The following TMEM182 variants were observed in gnomAD, a reference collection of about 807,000 sequenced individuals.
TMEM182 encodes transmembrane protein 182.
Under a neutral mutation model 26.8 loss-of-function variants are expected in TMEM182, and 20 were observed. The ratio of observed to expected loss-of-function variants is 0.75; its 90% CI spans 0.53 to 1.09. The LOEUF is 1.09. TMEM182 is among the 50% of genes least tolerant of loss of function. TMEM182 has a pLI of 0.00. For synonymous variants in TMEM182, 109 were observed against 102.2 expected (o/e 1.07, Z -0.40); for missense variants, 277 against 275.5 (o/e 1.01, Z -0.04).
chr2:102,829,538 G>T, intron 3 of TMEM182, among the ~76,000 whole-genome samples: 1 of 152,162 alleles, frequency 6.6e-6, no homozygotes, highest in East Asian at 1.9e-4. Flanking sequence ...AACCCTGAAG[G>T]ATGTGCCAAG....
intron 3 of TMEM182, among the ~76,000 whole-genome samples, chr2:102,774,800 G>A (rs1558764589): frequency 6.6e-6 from 1 of 151,830 alleles, no homozygotes; most frequent in Non-Finnish European, 1.5e-5. Flanking sequence ...TCTGGATTCT[G>A]TTTCATTGAT....
intron 4 of TMEM182, among the ~76,000 whole-genome samples, chr2:102,801,907 AC>A (rs1225999782): frequency 6.6e-6 from 1 of 151,910 alleles, no homozygotes; most frequent in Non-Finnish European, 1.5e-5. Flanking sequence ...TTTAATTTCC[AC>A]CTCAGCACAA....
intron 3 of TMEM182, among the ~76,000 whole-genome samples, chr2:102,768,573 C>T (rs1309555259): frequency 6.6e-6 from 1 of 151,142 alleles, no homozygotes; most frequent in Non-Finnish European, 1.5e-5. Flanking sequence ...GGGTGGTGCA[C>T]ATCTGCAATC....
intron 3 of TMEM182, among the ~76,000 whole-genome samples, chr2:102,825,917 T>A (rs887029767): frequency 6.6e-6 from 1 of 152,218 alleles, no homozygotes; most frequent in African/African-American, 2.4e-5. Context: ...GTTCTCTCCA[T>A]GATACCAACT....
At chr2:102,804,396 G>T (rs1489356062) in intron 4 of TMEM182, among the ~76,000 whole-genome samples, 1 of 152,012 alleles carries the variant, frequency 6.6e-6, no homozygotes, top group Non-Finnish European at 1.5e-5. Flanking sequence ...ATATATTAGT[G>T]AAAACGTACA....
chr2:102,770,702 A>G (rs113406500), intron 3 of TMEM182, among the ~76,000 whole-genome samples: 1,948 of 152,270 alleles, frequency 0.013, 47 homozygotes, highest in African/African-American at 0.045. Flanking sequence ...GTGAGCAGTG[A>G]GGAAGTAGAG....
intron 4 of TMEM182, among the ~76,000 whole-genome samples, chr2:102,814,412 G>GA (rs778400271): frequency 3.4e-5 from 5 of 145,892 alleles, no homozygotes; most frequent in Non-Finnish European, 7.6e-5. Context: ...CAGTAAAAAA[G>GA]AAAAAAAAAA....
rs1682327954 is a variant in TMEM182, at chr2:102,805,929, T to G, written c.469+7929T>G. Among the ~76,000 whole-genome samples the G allele has an allele frequency of 2.0e-5, 3 of 152,228 alleles. No homozygotes were observed. In the South Asian group the frequency reaches 6.2e-4, roughly 32 times the overall value. ...CTAAAAAAACAAAAAAAACCCATAC[T>G]GTCTCTGGTCTGGAATTAGGTTTTG... is the stretch of plus-strand genomic sequence containing the variant. On this transcript the variant is annotated intron_variant, in intron 4 of 4. Coordinates refer to ENST00000412401, the MANE Select transcript of TMEM182 (RefSeq NM_144632.5).
rs375776814 is a variant in TMEM182, at chr2:102,826,301, C to CTTT, written c.326-17093_326-17091dup. Among the ~76,000 whole-genome samples the CTTT allele has an allele frequency of 7.0e-3, 845 of 119,994 alleles. 17 individuals are homozygous for CTTT. Among genetic ancestry groups the CTTT allele is most frequent in the East Asian group, 0.049 (203 of 4,118 alleles). 78.7% of individuals were successfully genotyped at this position (119,994 alleles called of 152,430 possible). On this transcript the variant is annotated intron_variant, in intron 3 of 3. Coordinates refer to the TMEM182 transcript ENST00000486293. ...AGTGCAGCGTACAGTCTGCAGCTGG[C>CTTT]TTTTTTTTTTTTTTTTTTTTAACAA...
intron 3 of TMEM182, among the ~76,000 whole-genome samples, chr2:102,773,678 A>G (rs1029144447): frequency 1.3e-5 from 2 of 152,086 alleles, no homozygotes; most frequent in African/African-American, 2.4e-5. Flanking sequence ...AATGCTTCCA[A>G]TCTGACATAT....
At chr2:102,743,478 G>A (rs1573480860) in intron 1 of TMEM182, among the ~76,000 whole-genome samples, 1 of 152,102 alleles carries the variant, frequency 6.6e-6, no homozygotes, top group African/African-American at 2.4e-5. Context: ...CCTGGGCAAT[G>A]CAGTGAGACC....
intron 3 of TMEM182, among the ~76,000 whole-genome samples, chr2:102,822,743 A>T (rs1239134640): frequency 6.6e-6 from 1 of 152,114 alleles, no homozygotes; most frequent in East Asian, 1.9e-4. Context: ...TTGTACAAAG[A>T]AGTGGATGGT....
intron 4 of TMEM182, 64 bp downstream of exon 4, chr2:102,798,064 AT>A: frequency 6.5e-7 from 1 of 1,547,378 alleles, no homozygotes; most frequent in South Asian, 1.3e-5. Flanking sequence ...TCTATTTTTC[AT>A]TTCTATATTC....
rs544344783 is a variant in TMEM182, at chr2:102,792,996, CGCTGCCTTGACGCTCCT to C, written c.332-4861_332-4845del. Among the ~76,000 whole-genome samples, 758 of 152,254 alleles carry C rather than the reference CGCTGCCTTGACGCTCCT, an allele frequency of 5.0e-3. 6 individuals are homozygous for C. The highest frequency in any genetic ancestry group is 0.018 in the African/African-American group (736 of 41,552). ...CCTTTCTTGCATCCCCTCCACTGCC[CGCTGCCTTGACGCTCCT>C]GCTGCTTCCTCTGCCGTCTGTGTGA... On this transcript the variant is annotated intron_variant, in intron 3 of 4. Transcript: ENST00000412401.
intron 2 of TMEM182, 26 bp downstream of exon 2, chr2:102,762,712 C>T: frequency 6.3e-7 from 1 of 1,578,896 alleles, no homozygotes; most frequent in Non-Finnish European, 8.7e-7. Flanking sequence ...CTTTATTTTC[C>T]CTCTTGTCTG....
intron 3 of TMEM182, among the ~76,000 whole-genome samples, chr2:102,774,433 T>A (rs1680823714): frequency 6.6e-6 from 1 of 151,498 alleles, no homozygotes; most frequent in South Asian, 2.1e-4. Flanking sequence ...TTTTTTTTTT[T>A]TTTGTATTTT....
At chr2:102,822,329 G>A (rs1054413988), downstream of TMEM182, among the ~76,000 whole-genome samples, 1 of 152,118 alleles carries the variant, frequency 6.6e-6, no homozygotes, top group African/African-American at 2.4e-5. Flanking sequence ...CTGCGGAGAA[G>A]TCAGAAATAG....
In TMEM182 at chr2:102,797,989, A is replaced by G. The variant is rs763517471; in HGVS notation, c.458A>G (p.Tyr153Cys). 14 of 1,613,718 alleles carry G rather than the reference A, an allele frequency of 8.7e-6. No individual in the cohort carries two copies. Among genetic ancestry groups the G allele is most frequent in the East Asian group, 2.2e-5 (1 of 44,896 alleles). ...HFLYKAGGGS[Y>C]IAAGILFSLV... ...CTCTACAAAGCTGGGGGAGGCTCATATATTGCTGCAGGTACGTACGGTGCA... is the reference window on the plus strand; with the variant it reads ...CTCTACAAAGCTGGGGGAGGCTCATGTATTGCTGCAGGTACGTACGGTGCA... The change falls in exon 4 of 5, where the codon TAT becomes TGT. Residue 153 changes from tyrosine (Y) to cysteine (C), a missense_variant. Coordinates refer to ENST00000412401, the MANE Select transcript of TMEM182 (RefSeq NM_144632.5).
chr2:102,839,608 G>C (rs984963348), intron 3 of TMEM182, among the ~76,000 whole-genome samples: 5 of 151,652 alleles, frequency 3.3e-5, no homozygotes, highest in African/African-American at 1.2e-4. Context: ...TTTTTGTTTG[G>C]AGCATAAAAA....
Sources: allele counts gnomAD v4.1 joint callset (sites outside exome capture counted in the v4.1 genomes callset), GRCh38; gene constraint gnomAD v4.1.1; transcripts MANE v1.5; gene names NCBI Gene and HGNC (gene_info 2026-07-23, HGNC 2026-07-21).